NRXN3: variants seen among roughly 807,000 people sequenced by gnomAD.
NRXN3 encodes neurexin 3.
A neutral mutation model predicts 137.6 loss-of-function variants in NRXN3; 32 were observed. The observed-to-expected ratio is 0.23, with a 90% CI of 0.18 to 0.31. The LOEUF is 0.31. NRXN3 is among the 10% of genes least tolerant of loss of function. The pLI is 1.00. For synonymous variants in NRXN3, 798 were observed against 784.5 expected, an observed-to-expected ratio of 1.02 and a Z score of -0.29; for missense variants, 1,574 against 2,062.5, an observed-to-expected ratio of 0.76 and a Z score of 4.59.
chr14:78,829,796 C>CA (rs1212473332), intron 10 of NRXN3, among the ~76,000 whole-genome samples: 1 of 152,066 alleles, frequency 6.6e-6, no homozygotes, highest in African/African-American at 2.4e-5. Context: ...TAATTTGACT[C>CA]AAAAAATCAA....
At chr14:78,648,516 A>C (rs1219595116) in intron 5 of NRXN3, among the ~76,000 whole-genome samples, 1 of 152,192 alleles carries the variant, frequency 6.6e-6, no homozygotes, top group East Asian at 1.9e-4. Context: ...AGTAATAAAG[A>C]AGATTCTAAT....
chr14:79,248,044 C>T (rs985043366), intron 15 of NRXN3, among the ~76,000 whole-genome samples: 2 of 152,190 alleles, frequency 1.3e-5, no homozygotes, highest in Non-Finnish European at 2.9e-5. Flanking sequence ...TCATAGTTCA[C>T]AGCAGCCTTG....
intron 10 of NRXN3, among the ~76,000 whole-genome samples, chr14:78,917,435 G>T (rs1481545691): frequency 6.6e-6 from 1 of 152,124 alleles, no homozygotes; most frequent in East Asian, 1.9e-4. Flanking sequence ...CAACAGACCT[G>T]CACATGTACC....
intron 19 of NRXN3, among the ~76,000 whole-genome samples, chr14:79,726,010 T>C (rs2098886182): frequency 6.6e-6 from 1 of 152,132 alleles, no homozygotes; most frequent in Non-Finnish European, 1.5e-5. Flanking sequence ...CCCAAGGAGA[T>C]GATGGAGTGA....
intron 20 of NRXN3, among the ~76,000 whole-genome samples, chr14:79,825,543 A>G (rs2099294563): frequency 2.0e-5 from 3 of 152,190 alleles, no homozygotes; most frequent in Non-Finnish European, 4.4e-5. Flanking sequence ...ATGGAGCACA[A>G]TGCTTATGTG....
At chr14:78,250,095 GA>G (rs1395089595) in intron 2 of NRXN3, 1 of 516,650 alleles carries the variant, frequency 1.9e-6, no homozygotes, top group Non-Finnish European at 3.9e-6. Context: ...CATTTTTTTG[GA>G]TAAGGAAGCT....
At chr14:78,224,915 C>G (rs1457164495) in intron 1 of NRXN3, among the ~76,000 whole-genome samples, 3 of 150,998 alleles carry the variant, frequency 2.0e-5, no homozygotes, top group African/African-American at 7.3e-5. Context: ...TACAGGCACC[C>G]GCCACCGTGC....
chr14:78,542,479 G>A (rs10129570), intron 4 of NRXN3, among the ~76,000 whole-genome samples: 8,532 of 152,340 alleles, frequency 0.056, 323 homozygotes, highest in African/African-American at 0.11. Flanking sequence ...CTCTGTGGGT[G>A]TGTGACCCAT....
intron 15 of NRXN3, among the ~76,000 whole-genome samples, chr14:79,359,105 A>T (rs190275344): frequency 6.6e-6 from 1 of 152,200 alleles, no homozygotes; most frequent in Non-Finnish European, 1.5e-5. Flanking sequence ...TAACATTTGT[A>T]TTAGTTTCCA....
At chr14:79,065,875 C>T (rs1200026202) in intron 15 of NRXN3, among the ~76,000 whole-genome samples, 1 of 152,056 alleles carries the variant, frequency 6.6e-6, no homozygotes, top group African/African-American at 2.4e-5. Flanking sequence ...TAAACGTGTG[C>T]CATGGTGGTT....
chr14:78,361,812 T>C (rs1291566259), intron 4 of NRXN3, among the ~76,000 whole-genome samples: 1 of 152,232 alleles, frequency 6.6e-6, no homozygotes, highest in Non-Finnish European at 1.5e-5. Flanking sequence ...AACGGCTCCC[T>C]TTATTTGTCA....
chr14:78,469,243 G>A (rs1042723314), intron 4 of NRXN3, among the ~76,000 whole-genome samples: 3 of 152,034 alleles, frequency 2.0e-5, no homozygotes, highest in Admixed American at 6.6e-5. Flanking sequence ...CTAAATCAGT[G>A]TTCTTCTTGT....
At chr14:78,820,902 T>C (rs1392520001) in intron 10 of NRXN3, among the ~76,000 whole-genome samples, 1 of 152,174 alleles carries the variant, frequency 6.6e-6, no homozygotes, top group East Asian at 1.9e-4. Flanking sequence ...GATCCTCCAA[T>C]AGGCCTGCTG....
At chr14:78,651,784 A>T (rs2097746489) in intron 6 of NRXN3, among the ~76,000 whole-genome samples, 1 of 149,660 alleles carries the variant, frequency 6.7e-6, no homozygotes, top group East Asian at 1.9e-4. Flanking sequence ...CATGGGAAAG[A>T]CCTGACCCCA....
chr14:78,835,280 A>T (rs977151167), intron 10 of NRXN3, among the ~76,000 whole-genome samples: 57 of 152,218 alleles, frequency 3.7e-4, no homozygotes, highest in African/African-American at 1.1e-3. Flanking sequence ...CCCGTATGGG[A>T]TTTACGCACT....
At chr14:79,188,985 T>C (rs988839698) in intron 15 of NRXN3, among the ~76,000 whole-genome samples, 5 of 152,108 alleles carry the variant, frequency 3.3e-5, no homozygotes, top group African/African-American at 1.2e-4. Flanking sequence ...GTGGCGATTC[T>C]TCAGGGATCT....
chr14:79,859,132 T>C (rs1456010192), intron 20 of NRXN3, among the ~76,000 whole-genome samples: 1 of 152,174 alleles, frequency 6.6e-6, no homozygotes, highest in Non-Finnish European at 1.5e-5. Context: ...CAAGATCATC[T>C]TGAGAATCTC....
chr14:78,920,890 A>G (rs1005807525), intron 10 of NRXN3, among the ~76,000 whole-genome samples: 2 of 152,218 alleles, frequency 1.3e-5, no homozygotes, highest in African/African-American at 2.4e-5. Flanking sequence ...CTGCCCTGCC[A>G]GCATGATGAT....
chr14:79,125,061 A>T (rs2251903), intron 15 of NRXN3, among the ~76,000 whole-genome samples: 150,952 of 152,316 alleles, frequency 0.99, 74,822 homozygotes, highest in Middle Eastern at 1. Context: ...TGTACATAGA[A>T]GGCTTTACAT....
Sources: gnomAD v4.1 joint callset for allele counts (sites outside exome capture counted in the v4.1 genomes callset) on GRCh38, gnomAD v4.1.1 for gene constraint, MANE v1.5 for transcripts, NCBI Gene and HGNC (gene_info 2026-07-23, HGNC 2026-07-21) for gene names.